Variants in FGF14 observed in about 807,000 individuals in gnomAD.
FGF14 encodes the protein fibroblast growth factor homologous factor 4.
Under a neutral mutation model 25.5 loss-of-function variants are expected in FGF14, and 5 were observed. The observed-to-expected ratio is 0.20, with a 90% confidence interval of 0.10 to 0.41. The LOEUF (loss-of-function observed/expected upper bound fraction) is 0.41, where lower values mean the gene tolerates loss of function less well. FGF14 is among the 10% of genes least tolerant of loss of function. The pLI is 1.00. For synonymous variants in FGF14, 138 were observed against 118.3 expected (o/e 1.17, Z -1.08); for missense variants, 222 against 320.1 (o/e 0.69, Z 2.34).
Position 102,079,804 on chromosome 13 carries a change from G to C in FGF14, c.209-204508C>G, listed in dbSNP as rs190041331. ...TATTAAGTCTGATGGTGATAAGAGG[G>C]AAGGCATTGTTACAGTGTGCCAGGG... On this transcript the variant is annotated intron_variant, in intron 1 of 4. Transcript: ENST00000376131. Among the ~76,000 whole-genome samples the C allele has an allele frequency of 5.2e-3, 790 of 152,262 alleles. 8 individuals are homozygous for C. The highest frequency in any genetic ancestry group is 0.018 in the African/African-American group (739 of 41,532).
chr13:102,025,567 C>G (rs1381805512), intron 1 of FGF14, among the ~76,000 whole-genome samples: 1 of 151,858 alleles, frequency 6.6e-6, no homozygotes, highest in African/African-American at 2.4e-5. Flanking sequence ...TGCCACCATG[C>G]CTGAGTAATT....
chr13:102,334,768 T>G (rs1181288246), intron 1 of FGF14, among the ~76,000 whole-genome samples: 1 of 152,210 alleles, frequency 6.6e-6, no homozygotes, highest in East Asian at 1.9e-4. Context: ...CCCTAAAACG[T>G]GTCTTGCATT....
intron 1 of FGF14, among the ~76,000 whole-genome samples, chr13:102,269,762 C>G (rs1313342049): frequency 1.3e-5 from 2 of 151,934 alleles, no homozygotes; most frequent in East Asian, 3.9e-4. Flanking sequence ...CCCCGCTACT[C>G]GGGAGAATGA....
chr13:102,122,337 C>A (rs1194169839), intron 1 of FGF14, among the ~76,000 whole-genome samples: 1 of 152,130 alleles, frequency 6.6e-6, no homozygotes, highest in Non-Finnish European at 1.5e-5. Flanking sequence ...TCTCGAAATC[C>A]TAATCACATC....
intron 3 of FGF14, among the ~76,000 whole-genome samples, chr13:101,855,684 C>T (rs184843487): frequency 2.0e-5 from 3 of 151,828 alleles, no homozygotes; most frequent in Non-Finnish European, 1.5e-5. Context: ...TTTGAAAAGT[C>T]TGAGGGATTT....
chr13:102,324,140 T>C (rs1472759459), intron 1 of FGF14, among the ~76,000 whole-genome samples: 3 of 152,118 alleles, frequency 2.0e-5, no homozygotes, highest in South Asian at 2.1e-4. Context: ...ATCATAGCTA[T>C]AAAATTCAGT....
chr13:102,097,744 A>G (rs889108340), intron 1 of FGF14, among the ~76,000 whole-genome samples: 5 of 152,054 alleles, frequency 3.3e-5, no homozygotes, highest in Admixed American at 3.3e-4. Context: ...GGAAAATTGT[A>G]TTTTTCCCAG....
intron 3 of FGF14, among the ~76,000 whole-genome samples, chr13:101,758,208 C>G (rs1167385502): frequency 2.0e-5 from 3 of 152,114 alleles, no homozygotes; most frequent in Non-Finnish European, 4.4e-5. Context: ...AGAAAATAAT[C>G]TAAAGAAAAA....
intron 1 of FGF14, among the ~76,000 whole-genome samples, chr13:102,272,927 T>C (rs1260855030): frequency 6.6e-6 from 1 of 152,216 alleles, no homozygotes; most frequent in Non-Finnish European, 1.5e-5. Flanking sequence ...GCTTCAAACG[T>C]AGTTTAATTT....
At chr13:102,015,777 T>C (rs75362262) in intron 1 of FGF14, among the ~76,000 whole-genome samples, 3,319 of 152,226 alleles carry the variant, frequency 0.022, 127 homozygotes, top group African/African-American at 0.077. Flanking sequence ...AAAAGCTCAA[T>C]GCATGCTGTT....
At chr13:102,136,573 A>T (rs967296606) in intron 1 of FGF14, among the ~76,000 whole-genome samples, 2 of 151,918 alleles carry the variant, frequency 1.3e-5, no homozygotes, top group African/African-American at 4.8e-5. Flanking sequence ...AACCACAATG[A>T]TCCTCTTGGA....
chr13:101,788,931 G>C (rs1415592768), intron 3 of FGF14, among the ~76,000 whole-genome samples: 1 of 46,100 alleles, frequency 2.2e-5, no homozygotes, highest in Non-Finnish European at 5.2e-5. Flanking sequence ...GAGAGAGAGA[G>C]AGAGAGAGAG....
At chr13:102,225,184 C>A (rs2050778270) in intron 1 of FGF14, among the ~76,000 whole-genome samples, 1 of 152,104 alleles carries the variant, frequency 6.6e-6, no homozygotes, top group Non-Finnish European at 1.5e-5. Flanking sequence ...TTCTTTGCAG[C>A]TCCTCTTTCA....
chr13:101,762,947 T>C (rs1437045504), intron 3 of FGF14, among the ~76,000 whole-genome samples: 1 of 152,192 alleles, frequency 6.6e-6, no homozygotes, highest in Non-Finnish European at 1.5e-5. Context: ...ATATCAGTGC[T>C]GCACCAAACA....
At chr13:102,013,924 TAGAA>T (rs1420287315) in intron 1 of FGF14, among the ~76,000 whole-genome samples, 1 of 152,170 alleles carries the variant, frequency 6.6e-6, no homozygotes, top group African/African-American at 2.4e-5. Context: ...CGTCTTCCAA[TAGAA>T]AGAGCACAAA....
intron 1 of FGF14, among the ~76,000 whole-genome samples, chr13:102,307,151 A>T (rs1041572975): frequency 1.3e-5 from 2 of 152,122 alleles, no homozygotes; most frequent in Non-Finnish European, 2.9e-5. Flanking sequence ...GGCTTCTAGA[A>T]CATAAGAGAG....
chr13:102,224,709 C>G (rs1478253477), intron 1 of FGF14, among the ~76,000 whole-genome samples: 3 of 152,160 alleles, frequency 2.0e-5, no homozygotes, highest in African/African-American at 7.2e-5. Context: ...CCTAAAGAAA[C>G]TATACTACAT....
chr13:101,863,720 A>G (rs554340519), intron 3 of FGF14, among the ~76,000 whole-genome samples: 1 of 152,166 alleles, frequency 6.6e-6, no homozygotes, highest in Non-Finnish European at 1.5e-5. Flanking sequence ...AAAACAGAGC[A>G]GTTGTATTTC....
chr13:102,380,762 T>C (rs192781827), intron 1 of FGF14, among the ~76,000 whole-genome samples: 4 of 152,308 alleles, frequency 2.6e-5, no homozygotes, highest in African/African-American at 4.8e-5. Context: ...TAAAACTAAG[T>C]AGACAAATTA....
Sources: allele counts gnomAD v4.1 joint callset (sites outside exome capture counted in the v4.1 genomes callset), GRCh38; gene constraint gnomAD v4.1.1; transcripts MANE v1.5; gene names NCBI Gene and HGNC (gene_info 2026-07-23, HGNC 2026-07-21).